The following PHB2 variants were observed in gnomAD, a reference collection of about 807,000 sequenced individuals.
The protein encoded by PHB2 is prohibitin 2, also known as prohibitin-2.
In PHB2, 22 loss-of-function variants were observed where a neutral mutation model predicts 46.4. The observed-to-expected ratio is 0.47, with a 90% CI of 0.34 to 0.68. The LOEUF (loss-of-function observed/expected upper bound fraction) is 0.68. Among genes scored for constraint, PHB2 ranks in the 30% least tolerant of loss-of-function variants. The probability of loss-of-function intolerance (pLI) is 0.01; values close to 1 mark genes in which losing one functional copy is unlikely to be tolerated. For synonymous variants in PHB2, 156 were observed against 150.5 expected (o/e 1.04, Z -0.27); for missense variants, 305 against 382.8 (o/e 0.80, Z 1.70).
At chr12:6,968,809 C>T (rs925808490) in intron 3 of PHB2, 11 of 587,562 alleles carry the variant, frequency 1.9e-5, no homozygotes, top group Non-Finnish European at 3.5e-5. Flanking sequence ...CAAACCCCGT[C>T]ACCAGCAGAG....
chr12:6,968,574 G>A lies in PHB2; in HGVS notation c.314C>T (p.Ser105Phe). 1 of 1,613,710 alleles carries A rather than the reference G, an allele frequency of 6.2e-7. No individual in the cohort carries two copies. ...GSKDLQMVNI[S>F]LRVLSRPNAQ... is the part of the protein sequence containing the mutation. ...ATTGGGTCGAGACAACACTCGCAGG[G>A]AGATATTCACCATCTGTAGGTCTGA... Residue 105 changes from serine to phenylalanine, a missense_variant, in exon 4 of 10, where the codon TCC becomes TTC. Around this residue, in one of 3 missense-constraint regions of PHB2, gnomAD observed 241 missense variants for 302.7 expected, o/e 0.80. Coordinates refer to ENST00000535923, the MANE Select transcript of PHB2 (RefSeq NM_001144831.2).
intron 3 of PHB2, among the ~76,000 whole-genome samples, chr12:6,969,194 AT>A (rs1332321900): frequency 6.6e-6 from 1 of 152,204 alleles, no homozygotes; most frequent in Admixed American, 6.5e-5. Context: ...AACTGTAGAT[AT>A]AGTAAGTCAA....
In PHB2 at chr12:6,967,298, G is replaced by C; in HGVS notation, c.712-50C>G. The C allele has an allele frequency of 6.2e-7, 1 of 1,612,056 alleles. No individual in the cohort carries two copies. The highest frequency in any genetic ancestry group is 8.5e-7 in the Non-Finnish European group (1 of 1,178,428). On this transcript the variant is annotated intron_variant, in intron 6 of 9. Transcript: ENST00000535923. The surrounding 1 kb of genome is among the most constrained non-coding windows in gnomAD (Gnocchi z 4.9). ...AGGGCAGGTCTCAATCCCTGGCCCT[G>C]TCCTTACCACACTCCCTTGCTCCAG...
In PHB2 at chr12:6,967,244, C is replaced by T; in HGVS notation, c.716G>A (p.Gly239Glu). The T allele has an allele frequency of 6.2e-7, 1 of 1,613,730 alleles. No individual in the cohort carries two copies. Residue 239 changes from glycine to glutamate, a missense_variant, in exon 7 of 10, where the codon GGA (glycine) becomes GAA (glutamate). By Grantham distance (98) the Gly-to-Glu change is moderately conservative. Transcript: ENST00000535923. The surrounding 1 kb of genome is among the most constrained non-coding windows in gnomAD (Gnocchi z 4.9). ...EGEAEAAKML[G>E]EALSKNPGYI... ...GCCAGGGTTCTTGCTCAGTGCTTCT[C>T]CAAGGTGAGGAGGGTTAAGGTACAC... is the stretch of plus-strand genomic sequence containing the variant.
chr12:6,970,246 C>G lies in PHB2; in HGVS notation c.162G>C (p.Arg54=). The G allele has an allele frequency of 6.2e-7, 1 of 1,613,860 alleles. No homozygotes were observed. Among genetic ancestry groups the G allele is most frequent in the Non-Finnish European group, 8.5e-7 (1 of 1,179,888 alleles). Reference sequence around the variant, plus strand: ...TAGTGTCCTGCTGCACTCCACCGATCCGATTGAAGAAGATGGCTCTGTGCC... The same window carrying G: ...TAGTGTCCTGCTGCACTCCACCGATGCGATTGAAGAAGATGGCTCTGTGCC... The part of the protein sequence containing the change: ...EGGHRAIFFN[R]IGGVQQDTIL... The change falls in exon 2 of 10, where the codon CGG becomes CGC. Residue 54 remains arginine, a synonymous_variant. Transcript: ENST00000535923.
At chr12:6,969,467 T>A in intron 3 of PHB2, 31 bp downstream of exon 3, 1 of 1,265,968 alleles carries the variant, frequency 7.9e-7, no homozygotes, top group Middle Eastern at 1.9e-4. Flanking sequence ...TCATCCCACC[T>A]GCCATGTGAT....
rs1555151094 is a variant in PHB2, at chr12:6,967,672, A to G, written c.711+4T>C. The G allele has an allele frequency of 1.9e-6, 3 of 1,609,388 alleles. No individual in the cohort carries two copies. Among genetic ancestry groups the G allele is most frequent in the Middle Eastern group, 1.7e-4 (1 of 6,058 alleles). ...GGGCTGAGATCTCTCCAGCAGAAGG[A>G]TATCATCTTGGCAGCCTCGGCCTCA... On this transcript the variant is annotated splice_donor_region_variant and intron_variant, in intron 6 of 9. Transcript: ENST00000535923. This position sits in a 1 kb window ranked among gnomAD's most constrained non-coding sequence, Gnocchi z 4.9.
intron 7 of PHB2, among the ~76,000 whole-genome samples, 165 bp from the exon 8 acceptor site, chr12:6,966,665 G>A (rs868982746): frequency 1.6e-4 from 25 of 152,224 alleles, no homozygotes; most frequent in Admixed American, 1.5e-3. Flanking sequence ...AGAGCGCTGA[G>A]CAGCAGCTAT....
chr12:6,969,322 AAC>A (rs1342065806), intron 3 of PHB2, among the ~76,000 whole-genome samples, 174 bp downstream of exon 3: 3 of 152,354 alleles, frequency 2.0e-5, no homozygotes, highest in South Asian at 2.1e-4. Flanking sequence ...AAAGCACGCA[AAC>A]ACAGTGTGTT....
upstream of PHB2, chr12:6,970,717 G>T: frequency 1.1e-6 from 1 of 947,112 alleles, no homozygotes; most frequent in South Asian, 1.7e-5. Context: ...AGCCCACTAC[G>T]GACCCGAACT....
At chr12:6,966,113 T>A (rs1946208221) in intron 8 of PHB2, among the ~76,000 whole-genome samples, 197 bp from the exon 9 acceptor site, 1 of 152,210 alleles carries the variant, frequency 6.6e-6, no homozygotes, top group East Asian at 1.9e-4. Context: ...CTCATCTCCT[T>A]TCCTAACATC....
At position 6,967,301 on chromosome 12, in the gene PHB2, C is replaced by CGTAA. The variant is rs1946230150; in HGVS notation, c.712-54_712-53insTTAC. 6.2e-7 allele frequency: 1 copy of CGTAA among 1,611,802 alleles called. No individual in the cohort carries two copies. Among genetic ancestry groups the CGTAA allele is most frequent in the Admixed American group, 1.7e-5 (1 of 59,954 alleles). The stretch of plus-strand genomic sequence containing the variant: ...GCAGGTCTCAATCCCTGGCCCTGTC[C>CGTAA]TTACCACACTCCCTTGCTCCAGTCC... On this transcript the variant is annotated intron_variant, in intron 6 of 9. Transcript: ENST00000535923. This position sits in a 1 kb window ranked among gnomAD's most constrained non-coding sequence, Gnocchi z 4.9.
intron 3 of PHB2, 50 bp from the exon 4 acceptor site, chr12:6,968,645 A>C: frequency 6.8e-7 from 1 of 1,465,974 alleles, no homozygotes; most frequent in Non-Finnish European, 9.5e-7. Flanking sequence ...CCCTTTCCCA[A>C]GCATTTTCTC....
chr12:6,969,942 C>G (rs1946290749), intron 2 of PHB2: 1 of 689,514 alleles, frequency 1.5e-6, no homozygotes, highest in South Asian at 1.5e-5. Context: ...TAGCCTTGCC[C>G]GGTTTCCCCT....
chr12:6,967,171 C>G lies in PHB2; in HGVS notation c.789G>C (p.Thr263=), dbSNP rs1555150897. Reference sequence around the variant, plus strand: ...AGAGACGCTGGGCTGACACACTCACCGTCTTGGAGATATTCTGGGCTGCTC... The same window carrying G: ...AGAGACGCTGGGCTGACACACTCACGGTCTTGGAGATATTCTGGGCTGCTC... The part of the protein sequence containing the change: ...KIRAAQNISK[T]IATSQNRIYL... The change falls in exon 7 of 10, where the codon ACG becomes ACC. Residue 263 remains threonine (T), a splice_region_variant and synonymous_variant. Transcript: ENST00000535923. This position sits in a 1 kb window ranked among gnomAD's most constrained non-coding sequence, Gnocchi z 4.9. The G allele has an allele frequency of 1.9e-6, 3 of 1,567,428 alleles. No homozygotes were observed. The highest frequency in any genetic ancestry group is 2.6e-6 in the Non-Finnish European group (3 of 1,154,996).
Position 6,967,585 on chromosome 12 carries a change from T to C in PHB2, c.711+91A>G. On this transcript the variant is annotated intron_variant, in intron 6 of 9. Transcript: ENST00000535923. The surrounding 1 kb of genome is among the most constrained non-coding windows in gnomAD (Gnocchi z 4.9). ...AGGGCCAGAGAGCACGGAGTCGCAT[T>C]CGCCTTAGTCTCATCAGCCTGCCCA... The C allele has an allele frequency of 9.2e-7, 1 of 1,089,096 alleles. No homozygotes were observed. The highest frequency in any genetic ancestry group is 1.2e-5 in the South Asian group (1 of 80,278). 67.5% of individuals were successfully genotyped at this position (1,089,096 alleles called of 1,614,324 possible). A position where few individuals can be genotyped will look rare whatever the true frequency, so the allele number is the denominator to read the frequency against.
At chr12:6,969,626 G>A (rs782475959) in intron 2 of PHB2, 49 bp from the exon 3 acceptor site, 9 of 1,128,268 alleles carry the variant, frequency 8.0e-6, no homozygotes, top group Non-Finnish European at 1.2e-5. Flanking sequence ...TCGGCCGGGC[G>A]CGGTGGCTCA....
chr12:6,968,561 C>T lies in PHB2; in HGVS notation c.327G>A (p.Leu109=). 1.2e-6 allele frequency: 2 copies of T among 1,613,824 alleles called. No homozygotes were observed. The highest frequency in any genetic ancestry group is 1.7e-6 in the Non-Finnish European group (2 of 1,179,824). ...GAAGCTCCTGAGCATTGGGTCGAGA[C>T]AACACTCGCAGGGAGATATTCACCA... ...LQMVNISLRV[L]SRPNAQELPS... Residue 109 remains leucine, a synonymous_variant, in exon 4 of 10, where the codon TTG becomes TTA. Coordinates refer to ENST00000535923, the MANE Select transcript of PHB2 (RefSeq NM_001144831.2).
At chr12:6,968,623 C>A in intron 3 of PHB2, 28 bp from the exon 4 acceptor site, 2 of 1,577,420 alleles carry the variant, frequency 1.3e-6, no homozygotes, top group South Asian at 2.2e-5. Context: ...AGTGGCTGGT[C>A]AAGGCCAAAC....
Sources: gnomAD v4.1 joint callset for allele counts (sites outside exome capture counted in the v4.1 genomes callset) on GRCh38, gnomAD v4.1.1 for gene constraint, gnomAD v4.1.1 regional missense constraint, Gnocchi (gnomAD v3.1) non-coding constraint, MANE v1.5 for transcripts, NCBI Gene and HGNC (gene_info 2026-07-23, HGNC 2026-07-21) for gene names.